The following RPS6KA4 variants were observed in gnomAD, a reference collection of about 807,000 sequenced individuals.
The protein encoded by RPS6KA4 is ribosomal protein S6 kinase alpha-4.
A neutral mutation model predicts 89.6 loss-of-function variants in RPS6KA4; 38 were observed. The observed-to-expected ratio is 0.42, with a 90% CI of 0.33 to 0.56. RPS6KA4 has a LOEUF of 0.56. RPS6KA4 is among the 20% of genes least tolerant of loss of function. RPS6KA4 has a pLI of 0.07. For synonymous variants in RPS6KA4, 495 were observed against 492.8 expected, an observed-to-expected ratio of 1.00 and a Z score of -0.06; for missense variants, 873 against 1,098.8, an observed-to-expected ratio of 0.79 and a Z score of 2.90.
At chr11:64,366,034 G>A (rs1205623759) in intron 9 of RPS6KA4, among the ~76,000 whole-genome samples, 1 of 147,090 alleles carries the variant, frequency 6.8e-6, no homozygotes, top group South Asian at 2.1e-4. Flanking sequence ...GTGAAACTCC[G>A]TCTCAAAAAA....
chr11:64,371,349 C>A lies in RPS6KA4; in HGVS notation c.2188C>A (p.Arg730=), dbSNP rs2037067150. Reference sequence around the variant, plus strand: ...CGTGGAGAATGCACCCCTGGCCAAGCGGCGGAAGCAGAAGCTGCGGAGCGC... The same window carrying A: ...CGTGGAGAATGCACCCCTGGCCAAGAGGCGGAAGCAGAAGCTGCGGAGCGC... ...KSVENAPLAK[R]RKQKLRSATA... Residue 730 remains arginine, a synonymous_variant, in exon 17 of 17, where the codon CGG becomes AGG. Coordinates refer to ENST00000334205, the MANE Select transcript of RPS6KA4 (RefSeq NM_003942.3). The A allele has an allele frequency of 1.2e-6, 2 of 1,612,818 alleles. No individual in the cohort carries two copies. Among genetic ancestry groups the A allele is most frequent in the Non-Finnish European group, 1.7e-6 (2 of 1,179,916 alleles).
rs1343616589 is a variant in RPS6KA4 at position 64,361,274 on chromosome 11, C to T, written c.570+33C>T. On this transcript the variant is annotated intron_variant, in intron 5 of 16. Coordinates refer to ENST00000334205, the MANE Select transcript of RPS6KA4 (RefSeq NM_003942.3). The surrounding 1 kb of genome is among the most constrained non-coding windows in gnomAD (Gnocchi z 4.7). ...GAGGCCACCTCTGCCTGCAGTGCCC[C>T]ATTCAATCCTTCTCCTTCCTGCCTC... The T allele has an allele frequency of 6.4e-7, 1 of 1,574,666 alleles. No individual in the cohort carries two copies. The highest frequency in any genetic ancestry group is 2.2e-5 in the East Asian group (1 of 44,634).
intron 8 of RPS6KA4, among the ~76,000 whole-genome samples, chr11:64,362,790 C>A (rs1404312434): frequency 2.0e-5 from 3 of 152,212 alleles, no homozygotes; most frequent in African/African-American, 7.2e-5. Flanking sequence ...CCTGCCTCAG[C>A]CTCCCAAGTA....
At chr11:64,368,908 C>CG (rs1034210981) in intron 12 of RPS6KA4, 111 bp downstream of exon 12, 3 of 1,056,632 alleles carry the variant, frequency 2.8e-6, no homozygotes, top group Non-Finnish European at 4.1e-6. Flanking sequence ...GCGTTTGATT[C>CG]GGGGCCCAAA....
In RPS6KA4 at chr11:64,371,699, G is replaced by GTGGGGTT. The variant is rs1359091945; in HGVS notation, c.*225_*231dup. 3 of 475,576 alleles carry GTGGGGTT rather than the reference G, an allele frequency of 6.3e-6. No individual in the cohort carries two copies. The highest frequency in any genetic ancestry group is 1.1e-5 in the Non-Finnish European group (3 of 268,290). The allele number at this position is 475,576 out of a possible 1,614,324, so 29.5% of individuals were successfully genotyped here. A position where few individuals can be genotyped will look rare whatever the true frequency, so the allele number is the denominator to read the frequency against. ...CAGGGAAGGGGGGGCCTGCTGGGGA[G>GTGGGGTT]TGGGGTTTGGGGGGCCCTCTCCCAG... On this transcript the variant is annotated 3_prime_UTR_variant, in exon 17 of 17. Coordinates refer to ENST00000334205, the MANE Select transcript of RPS6KA4 (RefSeq NM_003942.3).
Position 64,370,819 on chromosome 11 carries a change from G to A in RPS6KA4, c.2121+93G>A. Reference sequence around the variant, plus strand: ...CGGCCATCGGAGCACAGAAAGGCGAGGTGAGGCCGGGCGCGGTGGCTCACG... The same window carrying A: ...CGGCCATCGGAGCACAGAAAGGCGAAGTGAGGCCGGGCGCGGTGGCTCACG... On this transcript the variant is annotated intron_variant, in intron 16 of 16. Coordinates refer to ENST00000334205, the MANE Select transcript of RPS6KA4 (RefSeq NM_003942.3). The surrounding 1 kb of genome is among the most constrained non-coding windows in gnomAD (Gnocchi z 4.1). 1 of 1,404,794 alleles carries A rather than the reference G, an allele frequency of 7.1e-7. No homozygotes were observed. The highest frequency in any genetic ancestry group is 9.3e-7 in the Non-Finnish European group (1 of 1,069,842). 87.0% of individuals were successfully genotyped at this position (1,404,794 alleles called of 1,614,324 possible). A position where few individuals can be genotyped will look rare whatever the true frequency, so the allele number is the denominator to read the frequency against.
Position 64,359,301 on chromosome 11 carries a change from G to A in RPS6KA4, c.55+11G>A. The A allele has an allele frequency of 1.3e-6, 2 of 1,596,090 alleles. No individual in the cohort carries two copies. Among genetic ancestry groups the A allele is most frequent in the South Asian group, 1.1e-5 (1 of 88,650 alleles). The stretch of plus-strand genomic sequence containing the variant: ...TGCGGATCACAGAAGGTGGGTGTGG[G>A]GCCTGACTGCGGCTGCCCGGGGCAG... On this transcript the variant is annotated intron_variant, in intron 1 of 16. Coordinates refer to ENST00000334205, the MANE Select transcript of RPS6KA4 (RefSeq NM_003942.3).
At position 64,371,429 on chromosome 11, in the gene RPS6KA4, C is replaced by T. The variant is rs766366530; in HGVS notation, c.2268C>T (p.Val756=). The change falls in exon 17 of 17, where the codon GTC becomes GTT. Residue 756 remains valine, a synonymous_variant. Transcript: ENST00000334205. ...PAPANPGRAP[V]ASKGAPRRAN... ...CAGCCAACCCGGGCCGAGCCCCCGT[C>T]GCCTCCAAAGGGGCCCCCCGCCGAG... 10 of 1,600,912 alleles carry T rather than the reference C, an allele frequency of 6.2e-6. No individual in the cohort carries two copies. Among genetic ancestry groups the T allele is most frequent in the African/African-American group, 1.3e-5 (1 of 74,824 alleles).
Position 64,371,621 on chromosome 11 carries a change from G to A in RPS6KA4, c.*141G>A. ...CTACCCCACCCCACTCCCAGACAGA[G>A]CAGAAGTATTTTTATAAGCAGAGAA... On this transcript the variant is annotated 3_prime_UTR_variant, in exon 17 of 17. Coordinates refer to ENST00000334205, the MANE Select transcript of RPS6KA4 (RefSeq NM_003942.3). 2 of 544,970 alleles carry A rather than the reference G, an allele frequency of 3.7e-6. No homozygotes were observed. The highest frequency in any genetic ancestry group is 6.5e-6 in the Non-Finnish European group (2 of 308,276). 33.8% of individuals were successfully genotyped at this position (544,970 alleles called of 1,614,324 possible).
chr11:64,364,964 G>T (rs973652891), intron 8 of RPS6KA4, among the ~76,000 whole-genome samples: 3 of 150,476 alleles, frequency 2.0e-5, no homozygotes, highest in African/African-American at 7.4e-5. Flanking sequence ...TGTTAACCAG[G>T]CTGGTCTTGA....
intron 9 of RPS6KA4, 31 bp from the exon 10 acceptor site, chr11:64,368,101 C>T (rs2036932947): frequency 1.2e-6 from 2 of 1,611,078 alleles, no homozygotes; most frequent in Admixed American, 1.7e-5. Flanking sequence ...CCCCCATGCC[C>T]ATGCCCATTC....
chr11:64,361,830 G>A lies in RPS6KA4; in HGVS notation c.756-22G>A, dbSNP rs2036759629. The A allele has an allele frequency of 6.3e-7, 1 of 1,586,952 alleles. No individual in the cohort carries two copies. On this transcript the variant is annotated intron_variant, in intron 7 of 16. Coordinates refer to ENST00000334205, the MANE Select transcript of RPS6KA4 (RefSeq NM_003942.3). This position sits in a 1 kb window ranked among gnomAD's most constrained non-coding sequence, Gnocchi z 4.7. ...TGTGGGTGGGGGGCTTGCTGCCCCT[G>A]ACACCCCCCCAATCCTCCCAGACGG...
chr11:64,371,688 C>G lies in RPS6KA4; in HGVS notation c.*208C>G. The G allele has an allele frequency of 2.0e-6, 1 of 489,532 alleles. No individual in the cohort carries two copies. The allele number at this position is 489,532 out of a possible 1,614,324, so 30.3% of individuals were successfully genotyped here. ...AGATAGAGTTGCAGGGAAGGGGGGG[C>G]CTGCTGGGGAGTGGGGTTTGGGGGG... On this transcript the variant is annotated 3_prime_UTR_variant, in exon 17 of 17. Coordinates refer to ENST00000334205, the MANE Select transcript of RPS6KA4 (RefSeq NM_003942.3).
chr11:64,371,476 C>G lies in RPS6KA4; in HGVS notation c.2315C>G (p.Ser772Cys). 8.4e-7 allele frequency: 1 copy of G among 1,186,018 alleles called. No homozygotes were observed. Among genetic ancestry groups the G allele is most frequent in the Non-Finnish European group, 1.2e-6 (1 of 821,620 alleles). 73.5% of individuals were successfully genotyped at this position (1,186,018 alleles called of 1,614,324 possible). A position where few individuals can be genotyped will look rare whatever the true frequency, so the allele number is the denominator to read the frequency against. Residue 772 changes from serine (S) to cysteine (C), a missense_variant, in exon 17 of 17, where the codon TCC (serine) becomes TGC (cysteine). Coordinates refer to ENST00000334205, the MANE Select transcript of RPS6KA4 (RefSeq NM_003942.3). ...CGAGCCAACGGCCCCCTGCCCCCCT[C>G]CTAATCCCCACCACTGTGACCCCCT... ...PRRANGPLPPS is the reference protein window; with the variant it reads ...PRRANGPLPPC
chr11:64,367,710 C>T (rs1387323245), intron 9 of RPS6KA4, among the ~76,000 whole-genome samples: 1 of 152,184 alleles, frequency 6.6e-6, no homozygotes, highest in African/African-American at 2.4e-5. Flanking sequence ...TTTTGCATTT[C>T]TTCAGTAGCT....
In RPS6KA4 at chr11:64,365,427, C is replaced by A. The variant is rs1196829024; in HGVS notation, c.1033C>A (p.Pro345Thr). The A allele has an allele frequency of 6.2e-7, 1 of 1,614,086 alleles. No homozygotes were observed. Among genetic ancestry groups the A allele is most frequent in the South Asian group, 1.1e-5 (1 of 91,080 alleles). The change falls in exon 9 of 17, where the codon CCT (proline) becomes ACT (threonine). Residue 345 changes from proline (P) to threonine (T), a missense_variant. By Grantham distance (38) the Pro-to-Thr change is conservative. Coordinates refer to ENST00000334205, the MANE Select transcript of RPS6KA4 (RefSeq NM_003942.3). ...FTRLEPVYSP[P>T]GSPPPGDPRI... is the part of the protein sequence containing the mutation. The stretch of plus-strand genomic sequence containing the variant: ...TCGGCTGGAGCCTGTCTACTCACCC[C>A]CTGGCAGCCCCCCACCTGGGGACCC...
chr11:64,371,710 G>T lies in RPS6KA4; in HGVS notation c.*230G>T. The T allele has an allele frequency of 2.2e-6, 1 of 463,796 alleles. No homozygotes were observed. The highest frequency in any genetic ancestry group is 3.8e-6 in the Non-Finnish European group (1 of 261,108). The allele number at this position is 463,796 out of a possible 1,614,324, so 28.7% of individuals were successfully genotyped here. A position where few individuals can be genotyped will look rare whatever the true frequency, so the allele number is the denominator to read the frequency against. ...GGGCCTGCTGGGGAGTGGGGTTTGG[G>T]GGGCCCTCTCCCAGGACACTGCCTC... On this transcript the variant is annotated 3_prime_UTR_variant, in exon 17 of 17. Coordinates refer to ENST00000334205, the MANE Select transcript of RPS6KA4 (RefSeq NM_003942.3).
intron 16 of RPS6KA4, 36 bp from the exon 17 acceptor site, chr11:64,371,247 C>A: frequency 6.3e-7 from 1 of 1,589,676 alleles, no homozygotes; most frequent in East Asian, 2.2e-5. Context: ...CGGGGTCAGG[C>A]GGGGGTGGGG....
At chr11:64,365,516 T>G (rs1370602426) in intron 9 of RPS6KA4, 51 bp downstream of exon 9, 1 of 1,602,580 alleles carries the variant, frequency 6.2e-7, no homozygotes, top group Admixed American at 1.7e-5. Context: ...GATGTTGCTG[T>G]CTGCCTCAGC....
Sources: gnomAD v4.1 joint callset for allele counts (sites outside exome capture counted in the v4.1 genomes callset) on GRCh38, gnomAD v4.1.1 for gene constraint, Gnocchi (gnomAD v3.1) non-coding constraint, MANE v1.5 for transcripts, NCBI Gene and HGNC (gene_info 2026-07-23, HGNC 2026-07-21) for gene names.